Variants in SCML4 observed in about 807,000 individuals in gnomAD.
SCML4 encodes sex comb on midleg-like protein 4.
Under a neutral mutation model 41.1 loss-of-function variants are expected in SCML4, and 34 were observed. The observed-to-expected ratio is 0.83, with a 90% CI of 0.63 to 1.10. The LOEUF (loss-of-function observed/expected upper bound fraction) is 1.10. Ranked by LOEUF, SCML4 falls within the 50% of genes least tolerant of loss-of-function variation. The pLI is 0.00. For missense variants in SCML4, 522 were observed against 534.1 expected, an observed-to-expected ratio of 0.98 and a Z score of 0.22; for synonymous variants, 214 against 220.9, an observed-to-expected ratio of 0.97 and a Z score of 0.28.
At chr6:107,832,072 A>AAG in the SCML4 span, among the ~76,000 whole-genome samples, 1 of 150,642 alleles carries the variant, frequency 6.6e-6, no homozygotes, top group Non-Finnish European at 1.5e-5. Flanking sequence ...CAAAAAAAAA[A>AAG]AAAGAAAGAA....
At chr6:107,751,665 C>T (rs957195487) in intron 2 of SCML4, among the ~76,000 whole-genome samples, 3 of 125,216 alleles carry the variant, frequency 2.4e-5, no homozygotes, top group South Asian at 2.5e-4. Flanking sequence ...GAGGGAGTTT[C>T]GCTCTTGTTG....
chr6:107,799,629 CTCTTTTCCTGCCT>C (rs1562269772), intron 1 of SCML4, among the ~76,000 whole-genome samples: 1 of 151,950 alleles, frequency 6.6e-6, no homozygotes, highest in South Asian at 2.1e-4. Flanking sequence ...GTCCTTTTTT[CTCTTTTCCTGCCT>C]TCTTTTGAAT....
At chr6:107,790,798 G>T (rs945269290) in intron 1 of SCML4, among the ~76,000 whole-genome samples, 7 of 152,144 alleles carry the variant, frequency 4.6e-5, no homozygotes, top group African/African-American at 1.4e-4. Context: ...GGCCAGGCAT[G>T]GTGGCTCATG....
rs371508343 is a variant in SCML4 at position 107,744,946 on chromosome 6, T to C, written c.682+3A>G. On this transcript the variant is annotated splice_donor_region_variant and intron_variant, in intron 5 of 7. Transcript: ENST00000369020. Reference sequence around the variant, plus strand: ...CAGGTGGGGGAAGCAGGACAAGGCCTACCTGATTCCATCCTCCCTTCCTCT... The same window carrying C: ...CAGGTGGGGGAAGCAGGACAAGGCCCACCTGATTCCATCCTCCCTTCCTCT... 14 of 1,602,800 alleles carry C rather than the reference T, an allele frequency of 8.7e-6. No homozygotes were observed. In the African/African-American group the frequency reaches 1.9e-4, roughly 21 times the overall value.
intron 1 of SCML4, among the ~76,000 whole-genome samples, chr6:107,776,082 G>A (rs187049342): frequency 4.6e-5 from 7 of 152,068 alleles, no homozygotes; most frequent in East Asian, 1.9e-4. Context: ...GTATGTTCTC[G>A]GAATGGGGAT....
Position 107,705,093 on chromosome 6 carries a change from A to C in SCML4, c.*107T>G. 9.6e-7 allele frequency: 1 copy of C among 1,044,664 alleles called. No homozygotes were observed. Among genetic ancestry groups the C allele is most frequent in the South Asian group, 1.4e-5 (1 of 71,222 alleles). The allele number at this position is 1,044,664 out of a possible 1,614,324, so 64.7% of individuals were successfully genotyped here. A position where few individuals can be genotyped will look rare whatever the true frequency, so the allele number is the denominator to read the frequency against. On this transcript the variant is annotated 3_prime_UTR_variant, in exon 8 of 8. Transcript: ENST00000369020. ...AAAAGACCACGTCTCTGTGGCTGTTAATTTTAAGAGGAGAGTCTAGTTTGT... is the reference window on the plus strand; with the variant it reads ...AAAAGACCACGTCTCTGTGGCTGTTCATTTTAAGAGGAGAGTCTAGTTTGT...
chr6:107,770,044 G>C (rs1780393514), intron 2 of SCML4, among the ~76,000 whole-genome samples: 1 of 152,042 alleles, frequency 6.6e-6, no homozygotes, highest in South Asian at 2.1e-4. Context: ...CATCAAATTA[G>C]TTGACATTTG....
chr6:107,744,558 G>A (rs915937006), intron 5 of SCML4, among the ~76,000 whole-genome samples: 1 of 152,256 alleles, frequency 6.6e-6, no homozygotes, highest in South Asian at 2.1e-4. Context: ...AGTTTCTTTG[G>A]GATGAGTTCC....
At chr6:107,822,373 T>C (rs910842698) in intron 1 of SCML4, among the ~76,000 whole-genome samples, 1 of 152,168 alleles carries the variant, frequency 6.6e-6, no homozygotes, top group Non-Finnish European at 1.5e-5. Context: ...AAAGTGAAAC[T>C]GCTTCTGCTG....
At chr6:107,790,844 C>T (rs542496141) in intron 1 of SCML4, among the ~76,000 whole-genome samples, 4 of 152,108 alleles carry the variant, frequency 2.6e-5, no homozygotes, top group South Asian at 2.1e-4. Context: ...CTAAGGCGGA[C>T]GGATCACGGG....
chr6:107,722,520 A>T (rs1369483674), intron 5 of SCML4, among the ~76,000 whole-genome samples: 1 of 152,220 alleles, frequency 6.6e-6, no homozygotes, highest in Non-Finnish European at 1.5e-5. Flanking sequence ...ATGCCCAAAG[A>T]AAATGCAATC....
chr6:107,720,698 A>C lies in SCML4; in HGVS notation c.973+5T>G, dbSNP rs531913024. 6.5e-7 allele frequency: 1 copy of C among 1,538,258 alleles called. No homozygotes were observed. Among genetic ancestry groups the C allele is most frequent in the South Asian group, 1.3e-5 (1 of 78,026 alleles). ...AGTGGGAAGCTGATGCATGCATTAC[A>C]TTACCACATCTGTTTCCTTCAAGAG... On this transcript the variant is annotated splice_donor_5th_base_variant and intron_variant, in intron 6 of 7. Transcript: ENST00000369020.
intron 5 of SCML4, among the ~76,000 whole-genome samples, chr6:107,728,334 G>A (rs1776198371): frequency 6.6e-6 from 1 of 152,176 alleles, no homozygotes; most frequent in Non-Finnish European, 1.5e-5. Context: ...ACAGCGGCCA[G>A]GCACCGTGGC....
chr6:107,774,300 A>AT (rs145056250), intron 1 of SCML4, among the ~76,000 whole-genome samples: 338 of 151,148 alleles, frequency 2.2e-3, no homozygotes, highest in Middle Eastern at 6.8e-3. Flanking sequence ...CATAGGGAGC[A>AT]TTTTTTTTTC....
At chr6:107,768,069 T>C (rs1382997105) in intron 2 of SCML4, among the ~76,000 whole-genome samples, 1 of 129,906 alleles carries the variant, frequency 7.7e-6, no homozygotes, top group Non-Finnish European at 1.6e-5. Context: ...AAGACCAGCC[T>C]GGGGAACTCG....
At chr6:107,730,674 C>T (rs1293268096) in intron 5 of SCML4, among the ~76,000 whole-genome samples, 1 of 152,220 alleles carries the variant, frequency 6.6e-6, no homozygotes, top group Non-Finnish European at 1.5e-5. Flanking sequence ...AAATCTGCCA[C>T]ATTTTCAAGG....
chr6:107,730,735 C>T (rs1199466504), intron 5 of SCML4, among the ~76,000 whole-genome samples: 3 of 152,162 alleles, frequency 2.0e-5, no homozygotes, highest in South Asian at 2.1e-4. Context: ...TTTTCACCAT[C>T]GCTAAACCTG....
chr6:107,717,209 A>G (rs1774923239), intron 6 of SCML4, among the ~76,000 whole-genome samples: 1 of 144,672 alleles, frequency 6.9e-6, no homozygotes, highest in Admixed American at 7.1e-5. Context: ...AGTCCCAGCT[A>G]CTCAGGAGGC....
intron 1 of SCML4, among the ~76,000 whole-genome samples, chr6:107,794,972 CTTA>C (rs1483929705): frequency 2.0e-5 from 3 of 152,164 alleles, no homozygotes; most frequent in Non-Finnish European, 4.4e-5. Flanking sequence ...ACATGGCCTT[CTTA>C]TAATGACACT....
Sources: allele counts gnomAD v4.1 joint callset (sites outside exome capture counted in the v4.1 genomes callset), GRCh38; gene constraint gnomAD v4.1.1; transcripts MANE v1.5; gene names NCBI Gene and HGNC (gene_info 2026-07-23, HGNC 2026-07-21).